RBM19: variants seen among roughly 807,000 people sequenced by gnomAD.
RBM19 encodes probable RNA-binding protein 19.
Under a neutral mutation model 116.8 loss-of-function variants are expected in RBM19, and 94 were observed. That is an observed-to-expected ratio of 0.80 (90% confidence interval 0.68 to 0.95). The LOEUF is 0.95. RBM19 is among the 40% of genes least tolerant of loss of function. RBM19 has a pLI of 0.00. For synonymous variants in RBM19, 475 were observed against 494.1 expected (o/e 0.96, Z 0.51); for missense variants, 1,161 against 1,220.7 (o/e 0.95, Z 0.73).
intron 2 of RBM19, among the ~76,000 whole-genome samples, chr12:113,960,836 G>A (rs1872430484): frequency 6.6e-6 from 1 of 152,200 alleles, no homozygotes; most frequent in South Asian, 2.1e-4. Context: ...TGGAGGGACG[G>A]AAGAGTACTG....
chr12:113,956,246 G>A (rs1871928548), intron 6 of RBM19, among the ~76,000 whole-genome samples: 1 of 152,106 alleles, frequency 6.6e-6, no homozygotes, highest in African/African-American at 2.4e-5. Flanking sequence ...GGGAAAAGAG[G>A]AAAGAAAAGA....
chr12:113,946,210 AT>A (rs763814690), intron 12 of RBM19, 143 bp downstream of exon 12: 8 of 1,149,658 alleles, frequency 7.0e-6, no homozygotes, highest in Middle Eastern at 5.7e-4. Context: ...TTATTCTCCC[AT>A]TTTACAGATG....
chr12:113,962,985 A>C (rs1284347975), intron 1 of RBM19, among the ~76,000 whole-genome samples: 4 of 152,158 alleles, frequency 2.6e-5, no homozygotes, highest in Non-Finnish European at 5.9e-5. Context: ...AAGATCAGAG[A>C]AGATGGAAAC....
Position 113,839,478 on chromosome 12 carries a change from G to A in RBM19, c.2785+5190C>T, listed in dbSNP as rs553845700. Reference sequence around the variant, plus strand: ...CAGTGTCACACTCCCAGGGGAGGACGGATAGAGAGGTAAACCTGACTATCG... The same window carrying A: ...CAGTGTCACACTCCCAGGGGAGGACAGATAGAGAGGTAAACCTGACTATCG... On this transcript the variant is annotated intron_variant, in intron 23 of 23. Transcript: ENST00000261741. Among the ~76,000 whole-genome samples, 19 of 152,340 alleles carry A rather than the reference G, an allele frequency of 1.2e-4. No homozygotes were observed. In the South Asian group the frequency reaches 3.3e-3, roughly 27 times the overall value.
downstream of RBM19, among the ~76,000 whole-genome samples, chr12:113,820,347 C>T (rs1383804518): frequency 6.6e-6 from 1 of 151,722 alleles, no homozygotes; most frequent in Non-Finnish European, 1.5e-5. Context: ...TTTAAGATCT[C>T]AAAGGAAAAT....
intron 17 of RBM19, among the ~76,000 whole-genome samples, chr12:113,925,192 C>A (rs540124356): frequency 6.6e-6 from 1 of 152,226 alleles, no homozygotes; most frequent in African/African-American, 2.4e-5. Flanking sequence ...AATTTGAAAC[C>A]CACCCAGAGC....
rs767269183 is a variant in RBM19, at chr12:113,844,807, C to T, written c.2665-19G>A. On this transcript the variant is annotated intron_variant, in intron 22 of 23. Coordinates refer to ENST00000261741, the MANE Select transcript of RBM19 (RefSeq NM_016196.4). ...AGGCTCTCTGCAGAGGGACAAGAAA[C>T]GAAACTGCACATCAGCTGGATCAGT... is the stretch of plus-strand genomic sequence containing the variant. 1.4e-5 allele frequency: 22 copies of T among 1,598,696 alleles called. No homozygotes were observed. Among genetic ancestry groups the T allele is most frequent in the East Asian group, 6.8e-5 (3 of 44,376 alleles).
intron 21 of RBM19, among the ~76,000 whole-genome samples, chr12:113,901,028 G>A (rs1053575864): frequency 1.1e-4 from 16 of 152,128 alleles, no homozygotes; most frequent in African/African-American, 3.9e-4. Flanking sequence ...AGAAAGTTCC[G>A]CACTGGTTTC....
At position 113,879,446 on chromosome 12, in the gene RBM19, T is replaced by TATATATATATATATATATATATAC. The variant is rs893952657; in HGVS notation, c.2559-20551_2559-20550insGTATATATATATATATATATATAT. ...TACATACATTTTATATATATATATA[T>TATATATATATATATATATATATAC]ATATGGACTTTTCTTTTTTTAAGGG... On this transcript the variant is annotated intron_variant, in intron 21 of 23. Coordinates refer to ENST00000261741, the MANE Select transcript of RBM19 (RefSeq NM_016196.4). 2.5e-4 allele frequency among the ~76,000 whole-genome samples: 35 copies of TATATATATATATATATATATATAC among 142,326 alleles called. 3 individuals carry two copies. In the South Asian group the frequency reaches 3.8e-3, roughly 15 times the overall value. The allele number at this position is 142,326 out of a possible 152,430, so 93.4% of individuals were successfully genotyped here.
At chr12:113,915,624 G>A (rs1468222339) in intron 20 of RBM19, among the ~76,000 whole-genome samples, 2 of 152,148 alleles carry the variant, frequency 1.3e-5, no homozygotes. Flanking sequence ...ACCAAAACAG[G>A]GTAGGGAAGT....
intron 21 of RBM19, among the ~76,000 whole-genome samples, chr12:113,899,779 C>T (rs558380103): frequency 1.1e-4 from 16 of 151,384 alleles, no homozygotes; most frequent in Non-Finnish European, 8.9e-5. Flanking sequence ...AGAGGAATCC[C>T]CCAAGCTGTC....
chr12:113,913,222 C>T (rs1188675784), intron 21 of RBM19, among the ~76,000 whole-genome samples: 1 of 152,208 alleles, frequency 6.6e-6, no homozygotes, highest in Non-Finnish European at 1.5e-5. Flanking sequence ...AACATGCGCT[C>T]TTCTTAGCAA....
chr12:113,950,806 A>G (rs1306991013), intron 8 of RBM19, among the ~76,000 whole-genome samples: 1 of 152,148 alleles, frequency 6.6e-6, no homozygotes, highest in South Asian at 2.1e-4. Context: ...AAGGCTGTTT[A>G]GATTCTTTCT....
At chr12:113,872,301 C>T (rs1879278870) in intron 21 of RBM19, among the ~76,000 whole-genome samples, 1 of 149,830 alleles carries the variant, frequency 6.7e-6, no homozygotes, top group Non-Finnish European at 1.5e-5. Flanking sequence ...ACCACCCCGT[C>T]TGAGAAGTGA....
At chr12:113,889,680 A>C (rs1449919286) in intron 21 of RBM19, among the ~76,000 whole-genome samples, 1 of 152,152 alleles carries the variant, frequency 6.6e-6, no homozygotes, top group Non-Finnish European at 1.5e-5. Flanking sequence ...CAACAAAAAA[A>C]AAAACAAAAA....
chr12:113,824,633 C>T (rs926229711), intron 23 of RBM19, among the ~76,000 whole-genome samples: 1 of 152,018 alleles, frequency 6.6e-6, no homozygotes, highest in Admixed American at 6.5e-5. Flanking sequence ...CTCACAGCAG[C>T]GGCCTAGCCT....
intron 7 of RBM19, 134 bp from the exon 8 acceptor site, chr12:113,952,724 C>T (rs575456690): frequency 3.6e-5 from 23 of 640,020 alleles, no homozygotes; most frequent in African/African-American, 1.3e-4. Context: ...TTTCCTTATA[C>T]GTATCGCTTC....
intron 15 of RBM19, among the ~76,000 whole-genome samples, chr12:113,937,755 TAAAAAA>T (rs35507198): frequency 8.4e-6 from 1 of 118,820 alleles, no homozygotes; most frequent in Non-Finnish European, 1.7e-5. Flanking sequence ...TCCTGCCTCT[TAAAAAA>T]AAAAAAAAAA....
chr12:113,964,490 G>A (rs527433375), intron 1 of RBM19, among the ~76,000 whole-genome samples: 1 of 152,276 alleles, frequency 6.6e-6, no homozygotes, highest in East Asian at 1.9e-4. Flanking sequence ...GTGCAACAAA[G>A]CTGAATTTGG....
Sources: gnomAD v4.1 joint callset for allele counts (sites outside exome capture counted in the v4.1 genomes callset) on GRCh38, gnomAD v4.1.1 for gene constraint, MANE v1.5 for transcripts, NCBI Gene and HGNC (gene_info 2026-07-23, HGNC 2026-07-21) for gene names.